Variants in HM13 observed in about 807,000 individuals in gnomAD.
HM13 encodes histocompatibility minor 13, also known as signal peptide peptidase.
Under a neutral mutation model 50.0 loss-of-function variants are expected in HM13, and 18 were observed. The observed-to-expected ratio is 0.36, with a 90% CI of 0.25 to 0.53. The LOEUF is 0.53. Among genes scored for constraint, HM13 ranks in the 20% least tolerant of loss-of-function variants. The probability of loss-of-function intolerance (pLI) is 0.90; values close to 1 mark genes in which losing one functional copy is unlikely to be tolerated. For synonymous variants in HM13, 197 were observed against 232.6 expected (o/e 0.85, Z 1.39); for missense variants, 393 against 552.4 (o/e 0.71, Z 2.89).
In HM13 at chr20:31,526,348, G is replaced by A. The variant is rs182390602; in HGVS notation, c.184-1136G>A. The stretch of plus-strand genomic sequence containing the variant: ...TAATTTTTGTATTTTTAGTAGAGAC[G>A]GGGTTTCACCATGTTGGCCAGGCTG... On this transcript the variant is annotated intron_variant, in intron 1 of 12. Transcript: ENST00000398174. 5.3e-5 allele frequency among the ~76,000 whole-genome samples: 8 copies of A among 151,868 alleles called. No individual in the cohort carries two copies. In the South Asian group the frequency reaches 8.3e-4, roughly 16 times the overall value.
At chr20:31,557,679 G>A (rs541773171) in intron 8 of HM13, among the ~76,000 whole-genome samples, 85 of 141,172 alleles carry the variant, frequency 6.0e-4, no homozygotes, top group Non-Finnish European at 1.1e-3. Context: ...TTAATCATAT[G>A]TTGACAGTTG....
chr20:31,556,726 G>A lies in HM13; in HGVS notation c.808+1897G>A, dbSNP rs554307352. ...AAGCACCTGTCGTGTACCAAGAATG[G>A]TGCTAGGTGGCCGGCCGGGCACGGT... On this transcript the variant is annotated intron_variant, in intron 8 of 12. Coordinates refer to ENST00000398174, the MANE Select transcript of HM13 (RefSeq NM_178581.3). Among the ~76,000 whole-genome samples, 85 of 152,212 alleles carry A rather than the reference G, an allele frequency of 5.6e-4. 1 individual carries two copies. Among genetic ancestry groups the A allele is most frequent in the Non-Finnish European group, 1.0e-3 (69 of 67,994 alleles).
At chr20:31,519,478 G>A (rs1421943529) in intron 1 of HM13, among the ~76,000 whole-genome samples, 2 of 152,110 alleles carry the variant, frequency 1.3e-5, no homozygotes, top group Non-Finnish European at 2.9e-5. Flanking sequence ...ATAGGGGGTG[G>A]GTGTGTTCTT....
chr20:31,520,643 T>C (rs1361687963), intron 1 of HM13, among the ~76,000 whole-genome samples: 1 of 151,980 alleles, frequency 6.6e-6, no homozygotes, highest in African/African-American at 2.4e-5. Flanking sequence ...TACAATCAGG[T>C]GTAGGCTTTA....
chr20:31,519,182 C>T (rs141778835), intron 1 of HM13, among the ~76,000 whole-genome samples: 13 of 152,260 alleles, frequency 8.5e-5, no homozygotes, highest in East Asian at 7.7e-4. Flanking sequence ...GCTCACTGCA[C>T]GCTCCATCTC....
chr20:31,539,130 A>G, intron 3 of HM13: 3 of 985,462 alleles, frequency 3.0e-6, no homozygotes, highest in Non-Finnish European at 3.6e-6. Context: ...AGAGTGGTTC[A>G]TTAGAGGGGG....
intron 7 of HM13, among the ~76,000 whole-genome samples, chr20:31,553,498 T>C (rs1984139910): frequency 6.6e-6 from 1 of 152,088 alleles, no homozygotes; most frequent in African/African-American, 2.4e-5. Flanking sequence ...ATCTTCACTA[T>C]CACCCTGAGG....
chr20:31,549,348 A>G lies in HM13; in HGVS notation c.666+16A>G, dbSNP rs1373271477. ...TGTCTTCTGGGTGAGTCAGGCAGGGATGCCAAGGATGTCTGGCTCCGGGGC... is the reference window on the plus strand; with the variant it reads ...TGTCTTCTGGGTGAGTCAGGCAGGGGTGCCAAGGATGTCTGGCTCCGGGGC... On this transcript the variant is annotated intron_variant, in intron 6 of 12. Coordinates refer to ENST00000398174, the MANE Select transcript of HM13 (RefSeq NM_178581.3). The G allele has an allele frequency of 1.2e-6, 2 of 1,614,012 alleles. No individual in the cohort carries two copies. Among genetic ancestry groups the G allele is most frequent in the Non-Finnish European group, 8.5e-7 (1 of 1,179,968 alleles).
chr20:31,544,284 C>A (rs533273228), intron 3 of HM13, among the ~76,000 whole-genome samples: 2 of 152,230 alleles, frequency 1.3e-5, no homozygotes, highest in Admixed American at 1.3e-4. Flanking sequence ...CAGAAAAGGT[C>A]TCTGCTTCCT....
At chr20:31,534,385 G>C (rs1413002455) in intron 2 of HM13, among the ~76,000 whole-genome samples, 1 of 152,134 alleles carries the variant, frequency 6.6e-6, no homozygotes, top group Non-Finnish European at 1.5e-5. Flanking sequence ...GAAGGAAGGA[G>C]AGGGGAGGAC....
intron 1 of HM13, among the ~76,000 whole-genome samples, chr20:31,526,496 G>A: frequency 6.6e-6 from 1 of 152,108 alleles, no homozygotes; most frequent in East Asian, 1.9e-4. Flanking sequence ...CTATTCCTAT[G>A]TTGATCTGTT....
chr20:31,539,297 G>A, intron 3 of HM13: 1 of 985,448 alleles, frequency 1.0e-6, no homozygotes, highest in South Asian at 4.7e-5. Flanking sequence ...GTTTCTTTCT[G>A]CCCCGTTGAA....
At chr20:31,559,406 G>A (rs1198195305) in intron 8 of HM13, among the ~76,000 whole-genome samples, 1 of 152,164 alleles carries the variant, frequency 6.6e-6, no homozygotes, top group Non-Finnish European at 1.5e-5. Flanking sequence ...GTAGTCCCAG[G>A]CCAAAGCAAA....
rs758504552 is a variant in HM13, at chr20:31,538,227, G to A, written c.331G>A (p.Val111Met). ...CCTCCTGCTGTCCATGTATTTCTTC[G>A]TGCTGGGAATCCTGGCCCTGTCCCA... ...INLLLSMYFFVLGILALSHTI... is the reference protein window; with the variant it reads ...INLLLSMYFFMLGILALSHTI... Residue 111 changes from valine (V) to methionine (M), a missense_variant, in exon 3 of 13, where the codon GTG becomes ATG. Physicochemically the swap from Val to Met is conservative, Grantham distance 21. Coordinates refer to ENST00000398174, the MANE Select transcript of HM13 (RefSeq NM_178581.3). The A allele has an allele frequency of 1.1e-5, 18 of 1,613,830 alleles. No individual in the cohort carries two copies. The highest frequency in any genetic ancestry group is 8.9e-5 in the East Asian group (4 of 44,886).
chr20:31,568,597 A>G (rs568035869), intron 12 of HM13, among the ~76,000 whole-genome samples: 1 of 152,306 alleles, frequency 6.6e-6, no homozygotes, highest in South Asian at 2.1e-4. Context: ...AAAGATTTGT[A>G]TTATCTTTGG....
chr20:31,555,499 T>C (rs1448992995), intron 8 of HM13, among the ~76,000 whole-genome samples: 1 of 152,150 alleles, frequency 6.6e-6, no homozygotes, highest in Non-Finnish European at 1.5e-5. Context: ...GGCCTCACTT[T>C]GGGGCAGGAG....
intron 2 of HM13, among the ~76,000 whole-genome samples, chr20:31,532,067 G>T (rs1377622759): frequency 2.0e-5 from 3 of 152,046 alleles, no homozygotes; most frequent in Admixed American, 6.5e-5. Context: ...AGAAATAAGA[G>T]TGCACTAAAT....
chr20:31,531,835 C>CT (rs1261269314), intron 2 of HM13, among the ~76,000 whole-genome samples: 1 of 152,130 alleles, frequency 6.6e-6, no homozygotes, highest in African/African-American at 2.4e-5. Flanking sequence ...GTGGTGCAGG[C>CT]TTATATTCCC....
intron 10 of HM13, among the ~76,000 whole-genome samples, chr20:31,563,596 T>G (rs1984739089): frequency 6.6e-6 from 1 of 151,412 alleles, no homozygotes; most frequent in Non-Finnish European, 1.5e-5. Context: ...AGTGCTGGGA[T>G]TACAAGCGTG....
Sources: allele counts gnomAD v4.1 joint callset (sites outside exome capture counted in the v4.1 genomes callset), GRCh38; gene constraint gnomAD v4.1.1; transcripts MANE v1.5; gene names NCBI Gene and HGNC (gene_info 2026-07-23, HGNC 2026-07-21).